Variants in LINGO2 observed in about 807,000 individuals in gnomAD.
LINGO2 encodes the protein leucine rich repeat and Ig domain containing 2, also known as leucine-rich repeat and immunoglobulin-like domain-containing nogo receptor-interacting protein 2.
Under a neutral mutation model 30.6 loss-of-function variants are expected in LINGO2, and 14 were observed. The ratio of observed to expected loss-of-function variants is 0.46; its 90% confidence interval spans 0.30 to 0.72. The LOEUF (loss-of-function observed/expected upper bound fraction) is 0.72, where lower values mean the gene tolerates loss of function less well. Among genes scored for constraint, LINGO2 ranks in the 30% least tolerant of loss-of-function variants. The pLI is 0.07. For synonymous variants in LINGO2, 317 were observed against 288.5 expected, an observed-to-expected ratio of 1.10 and a Z score of -1.00; for missense variants, 729 against 751.7, an observed-to-expected ratio of 0.97 and a Z score of 0.35.
the LINGO2 span, among the ~76,000 whole-genome samples, chr9:28,708,789 C>CTAT: frequency 3.3e-5 from 5 of 151,696 alleles, no homozygotes; most frequent in East Asian, 1.9e-4. Flanking sequence ...ATCTATCTAT[C>CTAT]CATCTATTAT....
At chr9:29,083,095 A>G in the LINGO2 span, among the ~76,000 whole-genome samples, 1 of 152,174 alleles carries the variant, frequency 6.6e-6, no homozygotes, top group Non-Finnish European at 1.5e-5. Flanking sequence ...ATATACCCAA[A>G]GGATTGTAAA....
chr9:29,114,999 A>G, the LINGO2 span, among the ~76,000 whole-genome samples: 1 of 152,120 alleles, frequency 6.6e-6, no homozygotes, highest in African/African-American at 2.4e-5. Flanking sequence ...ATTTTCCGAC[A>G]AACTTTATGA....
chr9:28,545,007 T>C (rs1487616059), intron 1 of LINGO2, among the ~76,000 whole-genome samples: 1 of 151,810 alleles, frequency 6.6e-6, no homozygotes, highest in Non-Finnish European at 1.5e-5. Flanking sequence ...ATATTCTTTA[T>C]AGTCATTGTC....
chr9:28,517,880 T>C (rs1296437117), intron 1 of LINGO2, among the ~76,000 whole-genome samples: 1 of 152,172 alleles, frequency 6.6e-6, no homozygotes, highest in African/African-American at 2.4e-5. Flanking sequence ...AAGATTCAAA[T>C]GCCACAAGTG....
chr9:28,372,071 A>C (rs1041891869), intron 3 of LINGO2, among the ~76,000 whole-genome samples: 1 of 152,136 alleles, frequency 6.6e-6, no homozygotes, highest in Non-Finnish European at 1.5e-5. Flanking sequence ...TGAATAGTAG[A>C]TGGATGGAAT....
chr9:28,601,477 A>ACT (rs1825470798), intron 1 of LINGO2, among the ~76,000 whole-genome samples: 1 of 152,080 alleles, frequency 6.6e-6, no homozygotes, highest in Non-Finnish European at 1.5e-5. Flanking sequence ...GGACTGGAGG[A>ACT]CTAGAGGTAT....
the LINGO2 span, among the ~76,000 whole-genome samples, chr9:29,056,836 G>GA: frequency 6.6e-6 from 1 of 152,054 alleles, no homozygotes; most frequent in Non-Finnish European, 1.5e-5. Context: ...ACCATTTGTT[G>GA]AATAAGGTGT....
At chr9:29,177,165 T>C in the LINGO2 span, among the ~76,000 whole-genome samples, 1 of 152,170 alleles carries the variant, frequency 6.6e-6, no homozygotes, top group South Asian at 2.1e-4. Flanking sequence ...TTAAAAAATG[T>C]GATGTAGTAA....
At chr9:27,991,186 C>T (rs1821380408) in intron 5 of LINGO2, among the ~76,000 whole-genome samples, 1 of 151,980 alleles carries the variant, frequency 6.6e-6, no homozygotes, top group Non-Finnish European at 1.5e-5. Flanking sequence ...GATTCAGGTA[C>T]TCACACTACT....
the LINGO2 span, among the ~76,000 whole-genome samples, chr9:28,891,825 T>C: frequency 6.6e-6 from 1 of 152,096 alleles, no homozygotes; most frequent in African/African-American, 2.4e-5. Flanking sequence ...GAAATACAAA[T>C]ATTTCTTAAA....
chr9:28,267,256 A>G (rs1450115328), intron 4 of LINGO2, among the ~76,000 whole-genome samples: 1 of 151,866 alleles, frequency 6.6e-6, no homozygotes, highest in African/African-American at 2.4e-5. Flanking sequence ...ATCCATTACA[A>G]TACCACCATT....
exon 6 of LINGO2, chr9:27,949,140 G>A (rs758289947): frequency 3.1e-6 from 5 of 1,614,072 alleles, no homozygotes; most frequent in East Asian, 4.5e-5. Context: ...GGTCCTGTTC[G>A]CATAAAGAAA....
the LINGO2 span, among the ~76,000 whole-genome samples, chr9:28,740,442 T>C: frequency 6.6e-6 from 1 of 151,962 alleles, no homozygotes; most frequent in East Asian, 1.9e-4. Flanking sequence ...GACAGAAACA[T>C]ATCTTCCTTT....
At chr9:28,925,678 C>G in the LINGO2 span, among the ~76,000 whole-genome samples, 8 of 152,104 alleles carry the variant, frequency 5.3e-5, no homozygotes, top group Non-Finnish European at 1.0e-4. Context: ...TTACAGCTTT[C>G]CATGATTTTT....
the LINGO2 span, among the ~76,000 whole-genome samples, chr9:28,910,000 C>T: frequency 7.2e-5 from 11 of 151,976 alleles, no homozygotes; most frequent in African/African-American, 2.7e-4. Flanking sequence ...TTTATATGCA[C>T]AAATATTCTT....
intron 1 of LINGO2, among the ~76,000 whole-genome samples, chr9:28,495,131 G>A (rs1819554458): frequency 6.6e-6 from 1 of 152,122 alleles, no homozygotes; most frequent in Non-Finnish European, 1.5e-5. Context: ...TTTGTCAGAT[G>A]AGTAGATTGC....
At chr9:28,376,225 G>A (rs1821125366) in intron 2 of LINGO2, among the ~76,000 whole-genome samples, 1 of 151,934 alleles carries the variant, frequency 6.6e-6, no homozygotes, top group Non-Finnish European at 1.5e-5. Flanking sequence ...TACTGGCTGA[G>A]GATGGGAGAA....
the LINGO2 span, among the ~76,000 whole-genome samples, chr9:28,798,856 A>G: frequency 4.6e-4 from 70 of 152,204 alleles, no homozygotes; most frequent in African/African-American, 1.7e-3. Flanking sequence ...GCTAAATAAG[A>G]AGAAAAATAA....
the LINGO2 span, among the ~76,000 whole-genome samples, chr9:28,809,571 C>A: frequency 6.6e-6 from 1 of 152,022 alleles, no homozygotes; most frequent in African/African-American, 2.4e-5. Context: ...CAGTGAAACC[C>A]TGTCTCTACT....
Sources: allele counts gnomAD v4.1 joint callset (sites outside exome capture counted in the v4.1 genomes callset), GRCh38; gene constraint gnomAD v4.1.1; transcripts MANE v1.5; gene names NCBI Gene and HGNC (gene_info 2026-07-23, HGNC 2026-07-21).